The following SHROOM3 variants were observed in gnomAD, a reference collection of about 807,000 sequenced individuals.
The protein encoded by SHROOM3 is shroom family member 3, also known as protein Shroom3.
Under a neutral mutation model 138.6 loss-of-function variants are expected in SHROOM3, and 47 were observed. The ratio of observed to expected loss-of-function variants is 0.34; its 90% CI spans 0.27 to 0.43. The LOEUF (loss-of-function observed/expected upper bound fraction) is 0.43, where lower values mean the gene tolerates loss of function less well. Ranked by LOEUF, SHROOM3 falls within the 20% of genes least tolerant of loss-of-function variation. SHROOM3 has a pLI of 1.00. For synonymous variants in SHROOM3, 1,062 were observed against 1,063.3 expected (o/e 1.00, Z 0.02); for missense variants, 2,491 against 2,596.5 (o/e 0.96, Z 0.88).
chr4:76,449,222 A>G lies in SHROOM3; in HGVS notation c.168+13002A>G, dbSNP rs17001972. On this transcript the variant is annotated intron_variant, in intron 1 of 10. Coordinates refer to ENST00000296043, the MANE Select transcript of SHROOM3 (RefSeq NM_020859.4). Reference sequence around the variant, plus strand: ...TGTGACCCCCTTGAACAGAATAGATAGAGAAAATTATTCATTTGGGGATCT... The same window carrying G: ...TGTGACCCCCTTGAACAGAATAGATGGAGAAAATTATTCATTTGGGGATCT... 1.0e-2 allele frequency among the ~76,000 whole-genome samples: 1,514 copies of G among 151,434 alleles called. 74 individuals carry two copies. The highest frequency in any genetic ancestry group is 0.09 in the Admixed American group (1,360 of 15,186).
At position 76,441,495 on chromosome 4, in the gene SHROOM3, G is replaced by A. The variant is rs565076496; in HGVS notation, c.168+5275G>A. ...TCGTCTCCTTCCAACTACCACATTA[G>A]ATCAGCTCGTCATTCTGACCTTTTA... On this transcript the variant is annotated intron_variant, in intron 1 of 10. Transcript: ENST00000296043. Among the ~76,000 whole-genome samples the A allele has an allele frequency of 3.3e-4, 51 of 152,250 alleles. No individual in the cohort carries two copies. In the South Asian group the frequency reaches 9.7e-3, roughly 29 times the overall value.
chr4:76,453,010 G>A (rs1260007901), intron 1 of SHROOM3, among the ~76,000 whole-genome samples: 3 of 152,124 alleles, frequency 2.0e-5, no homozygotes, highest in Non-Finnish European at 4.4e-5. Context: ...GAGCCACCGT[G>A]CCCAGCCTAG....
intron 2 of SHROOM3, among the ~76,000 whole-genome samples, chr4:76,671,781 G>A (rs1718891983): frequency 6.6e-6 from 1 of 152,188 alleles, no homozygotes; most frequent in Admixed American, 6.5e-5. Flanking sequence ...TACAGGTTAA[G>A]TATCTCTTAT....
chr4:76,488,622 A>G (rs553375538), intron 1 of SHROOM3, among the ~76,000 whole-genome samples: 3 of 152,304 alleles, frequency 2.0e-5, no homozygotes, highest in South Asian at 2.1e-4. Flanking sequence ...TTTTCCACAG[A>G]ATGAAATTGA....
At chr4:76,591,480 G>T (rs1015225418) in intron 2 of SHROOM3, among the ~76,000 whole-genome samples, 44 of 152,148 alleles carry the variant, frequency 2.9e-4, no homozygotes, top group African/African-American at 1.0e-3. Flanking sequence ...AAATTTCCCA[G>T]AAGAGTCGCA....
intron 3 of SHROOM3, among the ~76,000 whole-genome samples, chr4:76,720,176 T>G (rs1720498004): frequency 7.8e-6 from 1 of 127,812 alleles, no homozygotes; most frequent in Non-Finnish European, 1.6e-5. Context: ...TTTTTTTTTT[T>G]TTTTGTGAAT....
intron 1 of SHROOM3, among the ~76,000 whole-genome samples, chr4:76,470,962 C>A (rs561353672): frequency 6.6e-6 from 1 of 152,140 alleles, no homozygotes; most frequent in Non-Finnish European, 1.5e-5. Flanking sequence ...CTTAATCATA[C>A]CCCCATTAAA....
rs138893430 is a variant in SHROOM3, at chr4:76,565,339, A to G, written c.323+9576A>G. Among the ~76,000 whole-genome samples the G allele has an allele frequency of 5.8e-3, 876 of 152,184 alleles. 3 individuals carry two copies. Among genetic ancestry groups the G allele is most frequent in the African/African-American group, 0.02 (830 of 41,502 alleles). On this transcript the variant is annotated intron_variant, in intron 2 of 10. Coordinates refer to ENST00000296043, the MANE Select transcript of SHROOM3 (RefSeq NM_020859.4). ...ATGAGTCCCATTTAGAAGATGAACC[A>G]AATATTTGGAACTCTGAATACTTGA...
intron 1 of SHROOM3, among the ~76,000 whole-genome samples, chr4:76,494,880 TC>T (rs574674283): frequency 1.9e-4 from 29 of 152,164 alleles, no homozygotes; most frequent in Non-Finnish European, 3.1e-4. Flanking sequence ...AAGTTTGTCA[TC>T]TATGCAACAT....
intron 2 of SHROOM3, chr4:76,639,759 G>A (rs983621426): frequency 3.3e-5 from 13 of 394,912 alleles, no homozygotes; most frequent in East Asian, 1.1e-4. Context: ...TCCTTCCCCC[G>A]TTAAGTAAAT....
In SHROOM3 at chr4:76,442,699, G is replaced by A. The variant is rs1263364145; in HGVS notation, c.168+6479G>A. 3.9e-5 allele frequency among the ~76,000 whole-genome samples: 6 copies of A among 151,996 alleles called. No homozygotes were observed. The East Asian group carries it at 7.7e-4, about 20-fold the overall frequency. The stretch of plus-strand genomic sequence containing the variant: ...GCTGGGATTACAGGCGTGAGTCACC[G>A]TGCCCGGCCCCACCCTTTATACTTT... On this transcript the variant is annotated intron_variant, in intron 1 of 10. Coordinates refer to ENST00000296043, the MANE Select transcript of SHROOM3 (RefSeq NM_020859.4).
At position 76,671,790 on chromosome 4, in the gene SHROOM3, A is replaced by G. The variant is rs551650401; in HGVS notation, c.324-38366A>G. Among the ~76,000 whole-genome samples, 39 of 152,340 alleles carry G rather than the reference A, an allele frequency of 2.6e-4. No individual in the cohort carries two copies. The South Asian group carries it at 7.5e-3, about 29-fold the overall frequency. ...AGCCAATACAGGTTAAGTATCTCTT[A>G]TCCTACATGCTTGGAACCAGAAGTG... On this transcript the variant is annotated intron_variant, in intron 2 of 10. Transcript: ENST00000296043.
intron 1 of SHROOM3, among the ~76,000 whole-genome samples, chr4:76,465,888 C>T (rs1336444810): frequency 6.6e-6 from 1 of 152,142 alleles, no homozygotes; most frequent in African/African-American, 2.4e-5. Context: ...CATAAAGGGC[C>T]TAAGATTTAG....
At chr4:76,757,656 G>C (rs1434084182) in intron 8 of SHROOM3, among the ~76,000 whole-genome samples, 1 of 152,188 alleles carries the variant, frequency 6.6e-6, no homozygotes, top group East Asian at 1.9e-4. Flanking sequence ...GTCTGAGTAG[G>C]AGCGCACTGT....
chr4:76,782,533 CTTA>C lies in SHROOM3; in HGVS notation c.*3360_*3362del, dbSNP rs2109803220. On this transcript the variant is annotated 3_prime_UTR_variant, in exon 11 of 11. Coordinates refer to ENST00000296043, the MANE Select transcript of SHROOM3 (RefSeq NM_020859.4). ...AAACTTGTATGTTATTCAGGCATCTCTTATTAAGATACTGGGTCTCTGGATACC... is the reference window on the plus strand; with the variant it reads ...AAACTTGTATGTTATTCAGGCATCTCTTAAGATACTGGGTCTCTGGATACC... 1 of 152,332 alleles carries C rather than the reference CTTA, an allele frequency of 6.6e-6. No homozygotes were observed. The highest frequency in any genetic ancestry group is 2.1e-4 in the South Asian group (1 of 4,820). The allele number at this position is 152,332 out of a possible 1,614,324, so 9.4% of individuals were successfully genotyped here. A position where few individuals can be genotyped will look rare whatever the true frequency, so the allele number is the denominator to read the frequency against.
intron 2 of SHROOM3, among the ~76,000 whole-genome samples, chr4:76,590,593 A>T (rs1339888104): frequency 6.6e-6 from 1 of 151,722 alleles, no homozygotes; most frequent in Non-Finnish European, 1.5e-5. Flanking sequence ...GACAGCATTC[A>T]GATTTTTTCT....
intron 2 of SHROOM3, among the ~76,000 whole-genome samples, chr4:76,660,012 T>C (rs1230116515): frequency 1.3e-5 from 2 of 152,168 alleles, no homozygotes; most frequent in African/African-American, 2.4e-5. Flanking sequence ...TGTGCTCAGA[T>C]GCTGGGTATC....
chr4:76,779,372 T>C lies in SHROOM3; in HGVS notation c.*195T>C. On this transcript the variant is annotated 3_prime_UTR_variant, in exon 11 of 11. Coordinates refer to ENST00000296043, the MANE Select transcript of SHROOM3 (RefSeq NM_020859.4). ...CTGATTGATCTTCTGAGAGCTCGAATGCTGCTGGACACGTACCCCTTTCTA... is the reference window on the plus strand; with the variant it reads ...CTGATTGATCTTCTGAGAGCTCGAACGCTGCTGGACACGTACCCCTTTCTA... 3 of 649,824 alleles carry C rather than the reference T, an allele frequency of 4.6e-6. No homozygotes were observed. The highest frequency in any genetic ancestry group is 7.7e-6 in the Non-Finnish European group (3 of 390,302). 40.3% of individuals were successfully genotyped at this position (649,824 alleles called of 1,614,324 possible).
rs199609950 is a variant in SHROOM3 at position 76,505,563 on chromosome 4, TAATA to T, written c.169-50040_169-50037del. Among the ~76,000 whole-genome samples the T allele has an allele frequency of 7.1e-3, 1,078 of 150,822 alleles. 12 individuals are homozygous for T. The highest frequency in any genetic ancestry group is 0.025 in the African/African-American group (1,031 of 41,068). On this transcript the variant is annotated intron_variant, in intron 1 of 10. Coordinates refer to ENST00000296043, the MANE Select transcript of SHROOM3 (RefSeq NM_020859.4). Reference sequence around the variant, plus strand: ...AAATTGAAAATATTTGGGAAAAAAATAATAAATAATAATACAACAATAAAAATAA... The same window carrying T: ...AAATTGAAAATATTTGGGAAAAAAATAATAATAATACAACAATAAAAATAA...
Sources: gnomAD v4.1 joint callset for allele counts (sites outside exome capture counted in the v4.1 genomes callset) on GRCh38, gnomAD v4.1.1 for gene constraint, MANE v1.5 for transcripts, NCBI Gene and HGNC (gene_info 2026-07-23, HGNC 2026-07-21) for gene names.